MIR2052HG: variants seen among roughly 807,000 people sequenced by gnomAD.
MIR2052HG encodes the protein MIR2052 host gene.
At chr8:74,732,225 G>A (rs1586926231) in intron 4 of MIR2052HG, among the ~76,000 whole-genome samples, 2 of 152,254 alleles carry the variant, frequency 1.3e-5, no homozygotes, top group South Asian at 4.1e-4. Context: ...ATAGTATTAT[G>A]TATTATAAGT....
At chr8:74,649,497 A>G (rs1028978544) in intron 2 of MIR2052HG, among the ~76,000 whole-genome samples, 14 of 152,246 alleles carry the variant, frequency 9.2e-5, no homozygotes, top group African/African-American at 2.9e-4. Flanking sequence ...TCAAACATGA[A>G]TGTGAATATG....
At chr8:74,607,261 GTT>G (rs1316379923) in intron 1 of MIR2052HG, among the ~76,000 whole-genome samples, 5 of 152,152 alleles carry the variant, frequency 3.3e-5, no homozygotes, top group African/African-American at 1.2e-4. Context: ...AAGGGAGTGA[GTT>G]TTTTAGGGGA....
At chr8:74,706,210 G>A (rs1472401331) in intron 4 of MIR2052HG, among the ~76,000 whole-genome samples, 1 of 151,994 alleles carries the variant, frequency 6.6e-6, no homozygotes, top group Admixed American at 6.6e-5. Context: ...AGTGTGGGTG[G>A]GCAATGGACA....
At chr8:74,731,993 C>A (rs1054137605) in intron 4 of MIR2052HG, among the ~76,000 whole-genome samples, 3 of 152,016 alleles carry the variant, frequency 2.0e-5, no homozygotes, top group Non-Finnish European at 4.4e-5. Context: ...TTTTAGCTGG[C>A]AATAAGTAGT....
At chr8:74,670,066 TG>T (rs1407040037) in intron 2 of MIR2052HG, among the ~76,000 whole-genome samples, 2 of 152,180 alleles carry the variant, frequency 1.3e-5, no homozygotes, top group African/African-American at 2.4e-5. Flanking sequence ...GCAAGAAGGC[TG>T]CTGTCTGCAA....
chr8:74,689,281 A>G (rs1398758511), intron 2 of MIR2052HG, among the ~76,000 whole-genome samples: 1 of 152,230 alleles, frequency 6.6e-6, no homozygotes, highest in Non-Finnish European at 1.5e-5. Context: ...CTCTTAAGTA[A>G]TAAACAACCA....
At chr8:74,718,960 T>C (rs538159738) in intron 4 of MIR2052HG, among the ~76,000 whole-genome samples, 7 of 152,168 alleles carry the variant, frequency 4.6e-5, no homozygotes, top group South Asian at 4.1e-4. Context: ...AGAAATGTAG[T>C]CTTTCTTGCT....
chr8:74,715,083 A>G (rs1303244939), intron 4 of MIR2052HG, among the ~76,000 whole-genome samples: 1 of 152,156 alleles, frequency 6.6e-6, no homozygotes, highest in Non-Finnish European at 1.5e-5. Context: ...ATTTTTGAAA[A>G]CATATATTCA....
At chr8:74,680,611 G>A (rs1293440554) in intron 2 of MIR2052HG, among the ~76,000 whole-genome samples, 1 of 152,112 alleles carries the variant, frequency 6.6e-6, no homozygotes, top group Non-Finnish European at 1.5e-5. Context: ...TTACACTGTT[G>A]GTGGGACTGT....
chr8:74,696,406 T>G (rs574295752), intron 2 of MIR2052HG, among the ~76,000 whole-genome samples: 4 of 151,986 alleles, frequency 2.6e-5, no homozygotes, highest in African/African-American at 9.7e-5. Flanking sequence ...AGGTCACACC[T>G]CGAGGAGCTA....
rs548866862 is a variant in MIR2052HG, at chr8:74,750,693, T to C, written n.372-1748T>C. The stretch of plus-strand genomic sequence containing the variant: ...CACAGTTTCAATGAAAACAGGACCA[T>C]CATAACTCTTGCCTTATAACTTCAT... On this transcript the variant is annotated intron_variant and non_coding_transcript_variant, in intron 4 of 6. Transcript: ENST00000523442. Among the ~76,000 whole-genome samples, 7 of 152,328 alleles carry C rather than the reference T, an allele frequency of 4.6e-5. No homozygotes were observed. The East Asian group carries it at 9.6e-4, about 21-fold the overall frequency.
intron 2 of MIR2052HG, among the ~76,000 whole-genome samples, chr8:74,654,839 A>G (rs988287371): frequency 2.0e-5 from 3 of 152,176 alleles, no homozygotes; most frequent in Admixed American, 1.3e-4. Flanking sequence ...AACAGTTTGG[A>G]GGGCTCAGAA....
At chr8:74,725,719 T>G (rs1809628102) in intron 4 of MIR2052HG, among the ~76,000 whole-genome samples, 1 of 152,188 alleles carries the variant, frequency 6.6e-6, no homozygotes, top group Non-Finnish European at 1.5e-5. Flanking sequence ...TTGAAGGTTC[T>G]TCTGCTGCTG....
intron 4 of MIR2052HG, among the ~76,000 whole-genome samples, chr8:74,751,450 C>T (rs1282664839): frequency 6.6e-6 from 1 of 152,144 alleles, no homozygotes; most frequent in Non-Finnish European, 1.5e-5. Context: ...TTAGATTCAA[C>T]AGCATGTTAA....
chr8:74,687,909 T>G (rs1809200712), intron 2 of MIR2052HG, among the ~76,000 whole-genome samples: 1 of 152,154 alleles, frequency 6.6e-6, no homozygotes, highest in African/African-American at 2.4e-5. Context: ...TGTGGTGGTG[T>G]TATCACTGGT....
rs1809371852 is a variant in MIR2052HG, at chr8:74,702,874, G to A, written n.294+418G>A. On this transcript the variant is annotated intron_variant and non_coding_transcript_variant, in intron 3 of 6. Coordinates refer to ENST00000523442, the Ensembl canonical transcript of MIR2052HG. ...CCCAAAGGTAATGAGCAATAGAATT[G>A]ATTGTGATCGACTCACCTATCCTAA... Among the ~76,000 whole-genome samples the A allele has an allele frequency of 3.3e-5, 5 of 152,196 alleles. 1 individual carries two copies. The South Asian group carries it at 1.0e-3, about 32-fold the overall frequency.
intron 4 of MIR2052HG, among the ~76,000 whole-genome samples, chr8:74,746,364 T>A (rs1411994940): frequency 6.6e-6 from 1 of 152,144 alleles, no homozygotes; most frequent in Non-Finnish European, 1.5e-5. Context: ...TGATTAAACA[T>A]CTCATATATG....
At chr8:74,705,440 G>C (rs1423650582) in intron 4 of MIR2052HG, among the ~76,000 whole-genome samples, 3 of 151,990 alleles carry the variant, frequency 2.0e-5, no homozygotes, top group Non-Finnish European at 4.4e-5. Flanking sequence ...TTCATTCTAA[G>C]ATTGATACTT....
chr8:74,617,204 T>C lies in MIR2052HG; in HGVS notation n.216+4264T>C, dbSNP rs545621137. Among the ~76,000 whole-genome samples the C allele has an allele frequency of 5.3e-5, 8 of 152,306 alleles. No individual in the cohort carries two copies. In the South Asian group the frequency reaches 1.4e-3, roughly 28 times the overall value. On this transcript the variant is annotated intron_variant and non_coding_transcript_variant, in intron 2 of 6. Transcript: ENST00000523442. The stretch of plus-strand genomic sequence containing the variant: ...TACCCATCACTCAAATAGTGAGCAT[T>C]GTACCCAAGAGGTAACTTTTTAATC...
Sources: gnomAD v4.1 joint callset for allele counts (sites outside exome capture counted in the v4.1 genomes callset) on GRCh38, gnomAD v4.1.1 for gene constraint, MANE v1.5 for transcripts, NCBI Gene and HGNC (gene_info 2026-07-23, HGNC 2026-07-21) for gene names.